Variants in PIK3R4 observed in about 807,000 individuals in gnomAD.
The protein encoded by PIK3R4 is phosphoinositide 3-kinase regulatory subunit 4.
In PIK3R4, 46 loss-of-function variants were observed where a neutral mutation model predicts 136.5. The ratio of observed to expected loss-of-function variants is 0.34; its 90% CI spans 0.27 to 0.43. The LOEUF (loss-of-function observed/expected upper bound fraction) is 0.43. Among genes scored for constraint, PIK3R4 ranks in the 20% least tolerant of loss-of-function variants. The pLI is 1.00. For synonymous variants in PIK3R4, 557 were observed against 566.7 expected (o/e 0.98, Z 0.24); for missense variants, 1,331 against 1,649.5 (o/e 0.81, Z 3.35).
In PIK3R4 at chr3:130,725,903, C is replaced by T. The variant is rs1458292080; in HGVS notation, c.1808-2316G>A. ...CAAAACAAGTTATCATTTTACCCTT[C>T]CAACAGGCAAGGACTAAGTAAAGCC... On this transcript the variant is annotated intron_variant, in intron 6 of 19. Coordinates refer to ENST00000356763, the MANE Select transcript of PIK3R4 (RefSeq NM_014602.3). 2.0e-5 allele frequency: 3 copies of T among 152,034 alleles called. No homozygotes were observed. The East Asian group carries it at 5.8e-4, about 29-fold the overall frequency. The allele number at this position is 152,034 out of a possible 1,614,324, so 9.4% of individuals were successfully genotyped here.
At chr3:130,685,446 T>C (rs2066484102) in intron 15 of PIK3R4, among the ~76,000 whole-genome samples, 1 of 152,188 alleles carries the variant, frequency 6.6e-6, no homozygotes, top group Non-Finnish European at 1.5e-5. Context: ...GGTATATATA[T>C]GCCTGAGATT....
intron 9 of PIK3R4, among the ~76,000 whole-genome samples, chr3:130,712,330 G>A (rs1401037464): frequency 6.6e-6 from 1 of 152,060 alleles, no homozygotes; most frequent in African/African-American, 2.4e-5. Context: ...TTGCCTGCTT[G>A]CAGAAGCTAA....
At position 130,680,671 on chromosome 3, in the gene PIK3R4, G is replaced by C; in HGVS notation, c.3848C>G (p.Thr1283Ser). 6.2e-7 allele frequency: 1 copy of C among 1,613,198 alleles called. No homozygotes were observed. The highest frequency in any genetic ancestry group is 8.5e-7 in the Non-Finnish European group (1 of 1,179,330). ...GTAGTAGGACACAGATGGGGAACTA[G>C]TACTTCCTGCAACAACATAGGACCT... ...PERSYVVAGS[T>S]SSPSVSYYRK... is the part of the protein sequence containing the mutation. Residue 1283 changes from threonine to serine, a missense_variant, in exon 19 of 20, where the codon ACT becomes AGT. Around this residue, in one of 2 missense-constraint regions of PIK3R4, gnomAD observed 1,180 missense variants for 1,407.0 expected, o/e 0.84. Transcript: ENST00000356763.
rs2107612557 is a variant in PIK3R4 at position 130,716,505 on chromosome 3, A to G, written c.2222T>C (p.Leu741Ser). 6.2e-7 allele frequency: 1 copy of G among 1,614,038 alleles called. No homozygotes were observed. The highest frequency in any genetic ancestry group is 2.2e-5 in the East Asian group (1 of 44,876). The change falls in exon 9 of 20, where the codon TTG (leucine) becomes TCG (serine). Residue 741 changes from leucine (L) to serine (S), a missense_variant. By Grantham distance (145) the Leu-to-Ser change is moderately radical (BLOSUM62 -2). Around this residue, in one of 2 missense-constraint regions of PIK3R4, gnomAD observed 1,180 missense variants for 1,407.0 expected, o/e 0.84. Transcript: ENST00000356763. ...CTGACGCATGTGAAGATGTCTGAAC[A>G]AGCTAGTAATATCTTTAGACCTCAA... The part of the protein sequence containing the change: ...YALRSKDITS[L>S]FRHLHMRQKK...
At chr3:130,709,794 A>T (rs2066624823) in intron 9 of PIK3R4, among the ~76,000 whole-genome samples, 1 of 152,208 alleles carries the variant, frequency 6.6e-6, no homozygotes, top group Non-Finnish European at 1.5e-5. Flanking sequence ...ATATTGCATG[A>T]TTCCATCAAT....
chr3:130,680,675 T>C lies in PIK3R4; in HGVS notation c.3844A>G (p.Ser1282Gly). ...TAGGACACAGATGGGGAACTAGTAC[T>C]TCCTGCAACAACATAGGACCTTTCT... ...YPERSYVVAG[S>G]TSSPSVSYYR... Residue 1282 changes from serine (S) to glycine (G), a missense_variant, in exon 19 of 20, where the codon AGT becomes GGT. Around this residue, in one of 2 missense-constraint regions of PIK3R4, gnomAD observed 1,180 missense variants for 1,407.0 expected, o/e 0.84. Coordinates refer to ENST00000356763, the MANE Select transcript of PIK3R4 (RefSeq NM_014602.3). 1 of 1,613,232 alleles carries C rather than the reference T, an allele frequency of 6.2e-7. No individual in the cohort carries two copies. The highest frequency in any genetic ancestry group is 8.5e-7 in the Non-Finnish European group (1 of 1,179,362).
chr3:130,706,901 G>A (rs755944497), intron 11 of PIK3R4, 47 bp downstream of exon 11: 23 of 1,460,988 alleles, frequency 1.6e-5, no homozygotes, highest in Non-Finnish European at 2.1e-5. Flanking sequence ...AATAGCAGAA[G>A]AGCGTTCAAA....
chr3:130,722,814 C>T (rs4682638), intron 7 of PIK3R4, among the ~76,000 whole-genome samples: 30,964 of 149,884 alleles, frequency 0.21, 3,449 homozygotes, highest in South Asian at 0.36. Flanking sequence ...CCCAGCACTT[C>T]GGGAGGCTGG....
At chr3:130,696,714 A>T (rs11707393) in intron 13 of PIK3R4, among the ~76,000 whole-genome samples, 31,381 of 152,064 alleles carry the variant, frequency 0.21, 3,495 homozygotes, top group South Asian at 0.36. Context: ...GGAAGATTTA[A>T]ATTCTGCTGT....
intron 7 of PIK3R4, among the ~76,000 whole-genome samples, chr3:130,721,404 T>C (rs1186155269): frequency 5.9e-5 from 9 of 151,742 alleles, no homozygotes; most frequent in Admixed American, 1.3e-4. Flanking sequence ...GGGGTATACA[T>C]CCAAAGGAAA....
chr3:130,714,836 C>A (rs1384040032), intron 9 of PIK3R4, among the ~76,000 whole-genome samples: 1 of 152,128 alleles, frequency 6.6e-6, no homozygotes, highest in Non-Finnish European at 1.5e-5. Context: ...ATTTTCTCAT[C>A]CAGTCTATCA....
At chr3:130,713,358 C>T (rs936748077) in intron 9 of PIK3R4, among the ~76,000 whole-genome samples, 2 of 152,172 alleles carry the variant, frequency 1.3e-5, no homozygotes, top group Admixed American at 6.5e-5. Context: ...ATGAGGGGAT[C>T]ACTGACAGAC....
At chr3:130,725,261 AAG>A (rs2066725180) in intron 6 of PIK3R4, among the ~76,000 whole-genome samples, 1 of 151,940 alleles carries the variant, frequency 6.6e-6, no homozygotes, top group South Asian at 2.1e-4. Context: ...ATATGAGTAC[AAG>A]AAGAGAAAAA....
chr3:130,723,856 G>A lies in PIK3R4; in HGVS notation c.1808-269C>T, dbSNP rs569445255. The A allele has an allele frequency of 2.5e-5, 7 of 280,124 alleles. No individual in the cohort carries two copies. In the East Asian group the frequency reaches 2.6e-4, roughly 10 times the overall value. The allele number at this position is 280,124 out of a possible 1,614,324, so 17.4% of individuals were successfully genotyped here. ...CCTAAAAAGGAAGAAGAATCAGACT[G>A]TAATTATATAATCTTCAGCAACAAT... On this transcript the variant is annotated intron_variant, in intron 6 of 19. Coordinates refer to ENST00000356763, the MANE Select transcript of PIK3R4 (RefSeq NM_014602.3).
chr3:130,703,129 T>G (rs1311155634), intron 13 of PIK3R4, among the ~76,000 whole-genome samples: 1 of 152,120 alleles, frequency 6.6e-6, no homozygotes, highest in East Asian at 1.9e-4. Context: ...ACATCTCTCC[T>G]CTACTCGGAA....
Position 130,686,211 on chromosome 3 carries a change from C to A in PIK3R4, c.3475G>T (p.Gly1159Cys), listed in dbSNP as rs1368325982. The A allele has an allele frequency of 3.1e-6, 5 of 1,601,910 alleles. No individual in the cohort carries two copies. Residue 1159 changes from glycine (G) to cysteine (C), a missense_variant and splice_region_variant, in exon 15 of 20, where the codon GGT becomes TGT. Transcript: ENST00000356763. The part of the protein sequence containing the change: ...VDIHQCWLCI[G>C]TSSGTMACWD... ...GCCAATGACTTGAAAGTTAGCTTAC[C>A]AATGCAGAGCCAGCATTGGTGGATG...
chr3:130,737,517 G>A (rs1023456588), intron 2 of PIK3R4, among the ~76,000 whole-genome samples: 7 of 152,038 alleles, frequency 4.6e-5, no homozygotes, highest in South Asian at 2.1e-4. Flanking sequence ...AAAAATAGCC[G>A]GGTGTGGTGG....
chr3:130,734,122 C>G lies in PIK3R4; in HGVS notation c.876G>C (p.Gln292His), dbSNP rs779408830. ...EDHSIRELVT[Q>H]MIHREPDKRL... ...GTTTATCTGGCTCACGGTGAATCAT[C>G]TGAGTTACCTATACCAAGGGAAGAA... is the stretch of plus-strand genomic sequence containing the variant. Residue 292 changes from glutamine to histidine, a missense_variant, in exon 4 of 20, where the codon CAG becomes CAC. This residue lies in a region of PIK3R4 where 1,180 missense variants were observed against 1,407.0 expected (regional missense o/e 0.84). Transcript: ENST00000356763. 6.2e-7 allele frequency: 1 copy of G among 1,607,926 alleles called. No individual in the cohort carries two copies. Among genetic ancestry groups the G allele is most frequent in the South Asian group, 1.1e-5 (1 of 90,710 alleles).
rs545620156 is a variant in PIK3R4 at position 130,741,153 on chromosome 3, G to C, written c.733+3333C>G. Among the ~76,000 whole-genome samples, 84 of 152,284 alleles carry C rather than the reference G, an allele frequency of 5.5e-4. No individual in the cohort carries two copies. The South Asian group carries it at 0.017, about 31-fold the overall frequency. On this transcript the variant is annotated intron_variant, in intron 2 of 19. Transcript: ENST00000356763. ...CATACCTTAGAATCTAAGTGTATTT[G>C]TAGGCAGAGCCTTTAAGGAGTTAAT...
Sources: allele counts gnomAD v4.1 joint callset (sites outside exome capture counted in the v4.1 genomes callset), GRCh38; gene constraint gnomAD v4.1.1; regional missense constraint gnomAD v4.1.1; transcripts MANE v1.5; gene names NCBI Gene and HGNC (gene_info 2026-07-23, HGNC 2026-07-21).